Variants in SRR observed in about 807,000 individuals in gnomAD.
SRR encodes serine racemase.
A neutral mutation model predicts 32.7 loss-of-function variants in SRR; 19 were observed. The observed-to-expected ratio is 0.58, with a 90% CI of 0.40 to 0.85. SRR has a LOEUF of 0.85. Among genes scored for constraint, SRR ranks in the 40% least tolerant of loss-of-function variants. SRR has a pLI of 0.00. For missense variants in SRR, 373 were observed against 404.7 expected (o/e 0.92, Z 0.67); for synonymous variants, 142 against 140.9 (o/e 1.01, Z -0.06).
Position 2,315,678 on chromosome 17 carries a change from C to T in SRR, c.118C>T (p.Arg40Cys), listed in dbSNP as rs763237841. ...CTCCATTTTGAATCAACTAACAGGG[C>T]GCAATCTTTTCTTCAAATGTGAACT... ...TSSILNQLTG[R>C]NLFFKCELFQ... Residue 40 changes from arginine to cysteine, a missense_variant, in exon 2 of 8, where the codon CGC becomes TGC. Coordinates refer to ENST00000344595, the MANE Select transcript of SRR (RefSeq NM_021947.3). 67 of 1,613,890 alleles carry T rather than the reference C, an allele frequency of 4.2e-5. No homozygotes were observed. Among genetic ancestry groups the T allele is most frequent in the Non-Finnish European group, 5.0e-5 (59 of 1,180,022 alleles).
At chr17:2,318,486 A>G in intron 3 of SRR, among the ~76,000 whole-genome samples, 1 of 133,870 alleles carries the variant, frequency 7.5e-6, no homozygotes, top group African/African-American at 2.9e-5. Flanking sequence ...TTTTTTTGAG[A>G]CGGAGTCTTG....
chr17:2,323,061 G>C, intron 6 of SRR, 75 bp from the exon 7 acceptor site: 2 of 1,474,338 alleles, frequency 1.4e-6, no homozygotes, highest in Non-Finnish European at 1.9e-6. Context: ...CACCACACCA[G>C]GCCCATATTT....
intron 1 of SRR, among the ~76,000 whole-genome samples, chr17:2,313,013 C>A (rs988972770): frequency 6.6e-6 from 1 of 152,210 alleles, no homozygotes; most frequent in Non-Finnish European, 1.5e-5. Flanking sequence ...GATAATAACA[C>A]ACTCCCGGGC....
At chr17:2,311,042 G>A (rs949237913) in intron 1 of SRR, among the ~76,000 whole-genome samples, 24 of 150,104 alleles carry the variant, frequency 1.6e-4, no homozygotes, top group Admixed American at 5.3e-4. Flanking sequence ...CACCACGCCC[G>A]GCCAATTTTT....
upstream of SRR, chr17:2,303,702 G>T (rs554906811): frequency 3.3e-5 from 50 of 1,493,734 alleles, 1 homozygote; most frequent in South Asian, 6.0e-4. Flanking sequence ...ATCCGCACAC[G>T]CTCCAGCCCT....
At chr17:2,316,650 G>A (rs1185607840) in intron 2 of SRR, among the ~76,000 whole-genome samples, 1 of 152,214 alleles carries the variant, frequency 6.6e-6, no homozygotes, top group Admixed American at 6.5e-5. Flanking sequence ...GCTGAGGCAG[G>A]TGGATCACCT....
At chr17:2,304,812 A>T (rs1319797166) in intron 1 of SRR, among the ~76,000 whole-genome samples, 1 of 151,850 alleles carries the variant, frequency 6.6e-6, no homozygotes, top group African/African-American at 2.4e-5. Flanking sequence ...TGGATTCTTG[A>T]AAAAAATTAC....
At chr17:2,318,041 G>C in intron 3 of SRR, 45 bp downstream of exon 3, 3 of 1,520,000 alleles carry the variant, frequency 2.0e-6, no homozygotes, top group East Asian at 4.7e-5. Context: ...AGAAAGGAGT[G>C]GAAAAGTGCC....
At chr17:2,315,348 C>G (rs1356074282) in intron 1 of SRR, 1 of 417,960 alleles carries the variant, frequency 2.4e-6, no homozygotes, top group Non-Finnish European at 4.2e-6. Context: ...TAATCACCAT[C>G]AGTTACTTCC....
At chr17:2,303,392 G>C (rs190452668), upstream of SRR, 5,215 of 1,241,800 alleles carry the variant, frequency 4.2e-3, 19 homozygotes, top group Non-Finnish European at 4.9e-3. Flanking sequence ...CGGCGAGAAA[G>C]AGGGTGGAGG....
At chr17:2,321,671 T>G (rs2075529890) in intron 6 of SRR, 55 bp downstream of exon 6, 1 of 1,525,192 alleles carries the variant, frequency 6.6e-7, no homozygotes, top group African/African-American at 1.4e-5. Context: ...CTTTACATCC[T>G]AAATGTTCTG....
At position 2,324,164 on chromosome 17, in the gene SRR, G is replaced by A; in HGVS notation, c.*291G>A. ...GCCTCCCATCCCTGGAGTACTGACT[G>A]GCACCGGTAAGACAGAATCTCTTTG... On this transcript the variant is annotated 3_prime_UTR_variant, in exon 8 of 8. Coordinates refer to ENST00000344595, the MANE Select transcript of SRR (RefSeq NM_021947.3). The A allele has an allele frequency of 1.3e-6, 2 of 1,511,514 alleles. No homozygotes were observed. Among genetic ancestry groups the A allele is most frequent in the South Asian group, 1.4e-5 (1 of 71,516 alleles). 93.6% of individuals were successfully genotyped at this position (1,511,514 alleles called of 1,614,324 possible). A position where few individuals can be genotyped will look rare whatever the true frequency, so the allele number is the denominator to read the frequency against.
chr17:2,323,921 GAC>G lies in SRR; in HGVS notation c.*50_*51del, dbSNP rs1259657773. On this transcript the variant is annotated 3_prime_UTR_variant, in exon 8 of 8. Transcript: ENST00000344595. The stretch of plus-strand genomic sequence containing the variant: ...GAATTCAGTGTCTTTAGATACTGAA[GAC>G]ATTTTGTTTCCTAGTATTGTCAACT... 1 of 1,516,688 alleles carries G rather than the reference GAC, an allele frequency of 6.6e-7. No individual in the cohort carries two copies. The highest frequency in any genetic ancestry group is 9.1e-7 in the Non-Finnish European group (1 of 1,098,112). The allele number at this position is 1,516,688 out of a possible 1,614,324, so 94.0% of individuals were successfully genotyped here.
rs908769031 is a variant in SRR, at chr17:2,321,155, G to A, written c.400-151G>A. On this transcript the variant is annotated intron_variant, in intron 4 of 7. Transcript: ENST00000344595. ...CTACCATACAATATAACGTGCTTGA[G>A]GGCAGGGATATTTTATTAACATATA... 20 of 878,360 alleles carry A rather than the reference G, an allele frequency of 2.3e-5. No homozygotes were observed. In the African/African-American group the frequency reaches 2.5e-4, roughly 11 times the overall value. The allele number at this position is 878,360 out of a possible 1,614,324, so 54.4% of individuals were successfully genotyped here.
At chr17:2,303,395 G>A (rs1409667958), upstream of SRR, 7 of 1,246,676 alleles carry the variant, frequency 5.6e-6, no homozygotes, top group Non-Finnish European at 7.0e-6. Flanking sequence ...CGAGAAAGAG[G>A]GTGGAGGCAG....
rs2075561818 is a variant in SRR at position 2,324,463 on chromosome 17, G to A, written c.*590G>A. 2.5e-6 allele frequency: 4 copies of A among 1,613,828 alleles called. No homozygotes were observed. The highest frequency in any genetic ancestry group is 3.4e-6 in the Non-Finnish European group (4 of 1,179,818). The stretch of plus-strand genomic sequence containing the variant: ...AACCCAACAGTCATTTAGCAACACT[G>A]CAGAAATGCAGACATGGTCTCAAAT... On this transcript the variant is annotated 3_prime_UTR_variant, in exon 8 of 8. Coordinates refer to ENST00000344595, the MANE Select transcript of SRR (RefSeq NM_021947.3).
chr17:2,323,051 C>A, intron 6 of SRR, 85 bp from the exon 7 acceptor site: 2 of 1,392,072 alleles, frequency 1.4e-6, no homozygotes, highest in South Asian at 1.2e-5. Context: ...AGGTGTGAGC[C>A]ACCACACCAG....
chr17:2,323,794 G>C lies in SRR; in HGVS notation c.944G>C (p.Gly315Ala), dbSNP rs1227254894. Residue 315 changes from glycine to alanine, a missense_variant, in exon 8 of 8, where the codon GGA becomes GCA. By Grantham distance (60) the Gly-to-Ala change is moderately conservative. Coordinates refer to ENST00000344595, the MANE Select transcript of SRR (RefSeq NM_021947.3). ...VKNICIVLSG[G>A]NVDLTSSITW... The stretch of plus-strand genomic sequence containing the variant: ...AACATTTGTATTGTGCTCAGTGGTG[G>C]AAATGTAGACTTAACCTCCTCCATA... 1 of 1,614,196 alleles carries C rather than the reference G, an allele frequency of 6.2e-7. No homozygotes were observed. Among genetic ancestry groups the C allele is most frequent in the Admixed American group, 1.7e-5 (1 of 60,026 alleles).
intron 1 of SRR, chr17:2,306,790 G>T (rs56228904): frequency 4.2e-6 from 3 of 706,418 alleles, no homozygotes; most frequent in Middle Eastern, 3.8e-4. Flanking sequence ...TAAAGAGCTC[G>T]TACAGCTGAA....
Sources: allele counts gnomAD v4.1 joint callset (sites outside exome capture counted in the v4.1 genomes callset), GRCh38; gene constraint gnomAD v4.1.1; transcripts MANE v1.5; gene names NCBI Gene and HGNC (gene_info 2026-07-23, HGNC 2026-07-21).